Variants in TRMT2B observed in about 807,000 individuals in gnomAD.
TRMT2B encodes the protein tRNA methyltransferase 2B, also known as tRNA (uracil-5-)-methyltransferase homolog B.
TRMT2B carries 34 observed loss-of-function variants against 39.7 expected under a neutral mutation model. That is an observed-to-expected ratio of 0.86 (90% CI 0.65 to 1.14). TRMT2B has a LOEUF of 1.14. Among genes scored for constraint, TRMT2B ranks in the 50% most tolerant of loss-of-function variants. TRMT2B has a pLI of 0.00. For synonymous variants in TRMT2B, 132 were observed against 137.3 expected, an observed-to-expected ratio of 0.96 and a Z score of 0.27; for missense variants, 318 against 377.2, an observed-to-expected ratio of 0.84 and a Z score of 1.30.
chrX:101,000,308 G>A, the TRMT2B span, among the ~76,000 whole-genome samples: 2 of 109,955 alleles, frequency 1.8e-5, no homozygotes, highest in Non-Finnish European at 3.8e-5. Flanking sequence ...TTTTAGTAGA[G>A]ATGGGGTTTC....
At chrX:100,992,638 A>G in the TRMT2B span, among the ~76,000 whole-genome samples, 2 of 111,854 alleles carry the variant, frequency 1.8e-5, no homozygotes, top group African/African-American at 6.5e-5. Flanking sequence ...GTTAATATCA[A>G]TAAGCACACC....
the TRMT2B span, chrX:100,987,659 T>C: frequency 2.9e-5 from 27 of 940,713 alleles, no homozygotes; most frequent in South Asian, 9.5e-5. Flanking sequence ...CTGGGTGGCA[T>C]TGAGCAAGTC....
the TRMT2B span, among the ~76,000 whole-genome samples, chrX:100,981,273 G>T: frequency 8.9e-6 from 1 of 112,015 alleles, no homozygotes; most frequent in Admixed American, 9.4e-5. Context: ...TTTCCCTCTG[G>T]CTAGGGCTGG....
intron 13 of TRMT2B, among the ~76,000 whole-genome samples, chrX:101,017,157 G>A (rs1020469909): frequency 3.4e-4 from 38 of 110,310 alleles, no homozygotes; most frequent in African/African-American, 1.3e-3. Flanking sequence ...GGGCGACAGA[G>A]CAAGACTCCG....
chrX:101,001,081 G>A, the TRMT2B span, among the ~76,000 whole-genome samples: 1 of 110,651 alleles, frequency 9.0e-6, no homozygotes, highest in African/African-American at 3.3e-5. Context: ...CTGGTCCAGG[G>A]ATCACACTTT....
At chrX:101,032,934 T>C (rs62602398) in intron 7 of TRMT2B, among the ~76,000 whole-genome samples, 19,746 of 110,181 alleles carry the variant, frequency 0.18, 1,425 homozygotes, top group Non-Finnish European at 0.2. Flanking sequence ...TATTGATGAA[T>C]ATCTGACAGA....
At chrX:101,042,459 C>T in intron 2 of TRMT2B, 147 bp from the exon 3 acceptor site, 1 of 555,194 alleles carries the variant, frequency 1.8e-6, no homozygotes, top group South Asian at 4.4e-5. Context: ...TTGAGCAGAA[C>T]TGAATTACTG....
intron 6 of TRMT2B, 83 bp from the exon 7 acceptor site, chrX:101,035,766 G>A (rs536158989): frequency 2.5e-5 from 21 of 824,903 alleles, no homozygotes; most frequent in Admixed American, 1.6e-4. Context: ...AATTTCTATC[G>A]TCAAAGTGGC....
chrX:101,045,706 G>A (rs1028069900), intron 2 of TRMT2B, among the ~76,000 whole-genome samples: 2 of 109,856 alleles, frequency 1.8e-5, no homozygotes, highest in African/African-American at 6.6e-5. Flanking sequence ...GCTAAGGCAG[G>A]AGAATCACTT....
the TRMT2B span, among the ~76,000 whole-genome samples, chrX:100,984,298 T>G: frequency 9.1e-6 from 1 of 109,813 alleles, no homozygotes; most frequent in African/African-American, 3.3e-5. Flanking sequence ...TTTGTTTTTT[T>G]TTTTCTTTTT....
At chrX:100,985,700 C>T in the TRMT2B span, 35 of 1,208,096 alleles carry the variant, frequency 2.9e-5, no homozygotes, top group Non-Finnish European at 3.8e-5. Flanking sequence ...TGCATGAAAT[C>T]GGAACTGACT....
At chrX:100,994,062 G>A in the TRMT2B span, among the ~76,000 whole-genome samples, 1 of 112,261 alleles carries the variant, frequency 8.9e-6, no homozygotes, top group East Asian at 2.8e-4. Flanking sequence ...TTCTGGGATA[G>A]GTATCCACTT....
chrX:100,988,692 C>T, the TRMT2B span: 1 of 393,229 alleles, frequency 2.5e-6, no homozygotes. Flanking sequence ...AAGCACCTTC[C>T]TGTAGGAAGG....
intron 7 of TRMT2B, among the ~76,000 whole-genome samples, chrX:101,029,298 T>C (rs2087307225): frequency 9.0e-6 from 1 of 111,420 alleles, no homozygotes; most frequent in South Asian, 3.8e-4. Context: ...CTACTGACAT[T>C]TGGGGGCAGA....
chrX:101,016,159 T>C (rs189619267), intron 13 of TRMT2B, among the ~76,000 whole-genome samples: 32 of 111,770 alleles, frequency 2.9e-4, no homozygotes, highest in Non-Finnish European at 5.6e-4. Context: ...ATTCACAGAG[T>C]TATGCATCTA....
intron 2 of TRMT2B, among the ~76,000 whole-genome samples, chrX:101,050,295 A>T (rs2088978389): frequency 8.9e-6 from 1 of 112,191 alleles, no homozygotes; most frequent in Admixed American, 9.5e-5. Flanking sequence ...ATATTTAGTA[A>T]CTTCTGTGGT....
At chrX:101,032,295 T>G (rs2087523972) in intron 7 of TRMT2B, among the ~76,000 whole-genome samples, 1 of 82,295 alleles carries the variant, frequency 1.2e-5, no homozygotes. Context: ...AAAAAAAAAT[T>G]CAGGAAGAGG....
the TRMT2B span, among the ~76,000 whole-genome samples, chrX:101,003,021 TCTC>T: frequency 4.6e-5 from 5 of 107,984 alleles, no homozygotes; most frequent in African/African-American, 1.0e-4. Context: ...CTCAAGCTAA[TCTC>T]CTACCCCAGA....
At chrX:101,043,848 G>C (rs1433027962) in intron 2 of TRMT2B, among the ~76,000 whole-genome samples, 1 of 112,416 alleles carries the variant, frequency 8.9e-6, no homozygotes, top group Non-Finnish European at 1.9e-5. Flanking sequence ...AGATTTAAAA[G>C]AATGTTCATG....
Sources: gnomAD v4.1 joint callset for allele counts (sites outside exome capture counted in the v4.1 genomes callset) on GRCh38, gnomAD v4.1.1 for gene constraint, MANE v1.5 for transcripts, NCBI Gene and HGNC (gene_info 2026-07-23, HGNC 2026-07-21) for gene names.